Variants in PHF10 observed in about 807,000 individuals in gnomAD.
The protein encoded by PHF10 is BRG1-associated factor 45a.
PHF10 carries 51 observed loss-of-function variants against 68.5 expected under a neutral mutation model. The ratio of observed to expected loss-of-function variants is 0.74; its 90% CI spans 0.59 to 0.94. The LOEUF is 0.94. Ranked by LOEUF, PHF10 falls within the 40% of genes least tolerant of loss-of-function variation. The pLI, the probability that PHF10 is intolerant of heterozygous loss-of-function variation, is 0.00. For missense variants in PHF10, 460 were observed against 602.6 expected, an observed-to-expected ratio of 0.76 and a Z score of 2.48; for synonymous variants, 204 against 203.5, an observed-to-expected ratio of 1.00 and a Z score of -0.02.
chr6:169,721,995 G>A (rs1353674284), intron 1 of PHF10, among the ~76,000 whole-genome samples: 1 of 152,126 alleles, frequency 6.6e-6, no homozygotes, highest in Non-Finnish European at 1.5e-5. Context: ...GTTCTCACTG[G>A]GCACTGTCCC....
rs1789268361 is a variant in PHF10 at position 169,724,245 on chromosome 6, C to T, written c.-314G>A. Among the ~76,000 whole-genome samples the T allele has an allele frequency of 6.9e-6, 1 of 145,684 alleles. No individual in the cohort carries two copies. Among genetic ancestry groups the T allele is most frequent in the South Asian group, 2.1e-4 (1 of 4,742 alleles). On this transcript the variant is annotated 5_prime_UTR_variant, in exon 1 of 12. Coordinates refer to ENST00000339209, the MANE Select transcript of PHF10 (RefSeq NM_018288.4). ...GCGGCGCTTCTCACGTCAGCCCAAC[C>T]CGCCCGGCCGCGGCCACCGCCTCAG...
intron 2 of PHF10, among the ~76,000 whole-genome samples, chr6:169,719,971 AAC>A (rs1789138874): frequency 6.9e-6 from 1 of 145,050 alleles, no homozygotes; most frequent in South Asian, 2.3e-4. Flanking sequence ...AAGCTCCTAC[AAC>A]AAAAAAAACC....
At chr6:169,719,180 G>T in intron 2 of PHF10, 1 of 279,836 alleles carries the variant, frequency 3.6e-6, no homozygotes, top group South Asian at 4.7e-5. Context: ...AAGAACGAAG[G>T]CATTTTTAGT....
chr6:169,709,347 A>G (rs1485524679), intron 9 of PHF10: 1 of 152,220 alleles, frequency 6.6e-6, no homozygotes, highest in Non-Finnish European at 1.5e-5. Flanking sequence ...ATACACCTTC[A>G]TAAGTGCAAT....
intron 6 of PHF10, 24 bp downstream of exon 6, chr6:169,715,684 G>T: frequency 6.3e-7 from 1 of 1,598,020 alleles, no homozygotes; most frequent in Non-Finnish European, 8.6e-7. Flanking sequence ...AAGTTCAGGG[G>T]GTACTAAATT....
intron 7 of PHF10, among the ~76,000 whole-genome samples, chr6:169,713,675 CTTT>C (rs200831424): frequency 6.6e-6 from 1 of 151,158 alleles, no homozygotes; most frequent in African/African-American, 2.4e-5. Flanking sequence ...TTTAAAAAAT[CTTT>C]TTTTATTTAA....
At chr6:169,719,063 C>T in intron 2 of PHF10, 145 bp from the exon 3 acceptor site, 2 of 566,870 alleles carry the variant, frequency 3.5e-6, no homozygotes, top group South Asian at 2.3e-5. Flanking sequence ...AAGAAAATTA[C>T]AAAACAGGTA....
chr6:169,712,684 T>C, intron 7 of PHF10, 145 bp from the exon 8 acceptor site: 1 of 585,356 alleles, frequency 1.7e-6, no homozygotes, highest in Non-Finnish European at 2.9e-6. Flanking sequence ...ATTTTTGTCA[T>C]CAAGTAGGGT....
intron 1 of PHF10, among the ~76,000 whole-genome samples, chr6:169,722,328 A>C (rs192850151): frequency 3.9e-5 from 6 of 152,250 alleles, no homozygotes; most frequent in Non-Finnish European, 8.8e-5. Context: ...GAAAATTTGC[A>C]TAAGTATCTG....
intron 2 of PHF10, among the ~76,000 whole-genome samples, chr6:169,719,929 G>T (rs1056561163): frequency 6.6e-6 from 1 of 151,686 alleles, no homozygotes; most frequent in Non-Finnish European, 1.5e-5. Context: ...TCATATTTTT[G>T]ATGAAGTATT....
intron 4 of PHF10, 63 bp downstream of exon 4, chr6:169,717,760 C>A: frequency 3.0e-6 from 2 of 670,408 alleles, no homozygotes; most frequent in Non-Finnish European, 5.3e-6. Context: ...AAATAAGATA[C>A]TTATCTAGTA....
intron 2 of PHF10, among the ~76,000 whole-genome samples, chr6:169,720,585 A>C (rs1332174136): frequency 6.6e-6 from 1 of 152,202 alleles, no homozygotes; most frequent in Non-Finnish European, 1.5e-5. Context: ...CACTTATATG[A>C]AGTAACTAAG....
intron 9 of PHF10, among the ~76,000 whole-genome samples, chr6:169,706,212 T>C (rs1462081800): frequency 2.0e-5 from 3 of 152,148 alleles, no homozygotes; most frequent in African/African-American, 7.2e-5. Flanking sequence ...CTCATTGGTA[T>C]AGTGGTATTT....
At chr6:169,720,896 T>A in intron 2 of PHF10, 109 bp downstream of exon 2, 1 of 620,646 alleles carries the variant, frequency 1.6e-6, no homozygotes, top group Non-Finnish European at 2.8e-6. Flanking sequence ...AAGAAAATAT[T>A]CTACAATTTT....
chr6:169,710,987 C>T (rs902583417), intron 8 of PHF10, among the ~76,000 whole-genome samples: 1 of 152,096 alleles, frequency 6.6e-6, no homozygotes. Context: ...TTTAATTCTT[C>T]ATTTTATAAT....
intron 9 of PHF10, chr6:169,707,534 A>G (rs1778544332): frequency 6.6e-6 from 1 of 152,062 alleles, no homozygotes; most frequent in South Asian, 2.1e-4. Context: ...GGCATAGTAA[A>G]TACTCTAATA....
chr6:169,706,705 T>G, intron 9 of PHF10, among the ~76,000 whole-genome samples: 1 of 142,220 alleles, frequency 7.0e-6, no homozygotes, highest in African/African-American at 2.6e-5. Context: ...TGAAATGGGG[T>G]AAGGGGACAT....
Position 169,715,807 on chromosome 6 carries a change from C to T in PHF10, c.594G>A (p.Glu198=), listed in dbSNP as rs752790660. ...TQKVEASKVP[E]YIKKAAKKAA... ...CTTTTTTGGCAGCTTTCTTAATATA[C>T]TCAGGCACTTTACTGGCTTCAACTT... Residue 198 remains glutamate, a synonymous_variant, in exon 6 of 12, where the codon GAG becomes GAA. Coordinates refer to ENST00000339209, the MANE Select transcript of PHF10 (RefSeq NM_018288.4). The T allele has an allele frequency of 2.5e-6, 4 of 1,613,724 alleles. No homozygotes were observed. In the East Asian group the frequency reaches 8.9e-5, roughly 36 times the overall value.
At chr6:169,715,669 A>G in intron 6 of PHF10, 39 bp downstream of exon 6, 2 of 1,573,042 alleles carry the variant, frequency 1.3e-6, no homozygotes, top group Non-Finnish European at 1.7e-6. Flanking sequence ...AACAAGTAAT[A>G]AACTAAGTTC....
Sources: gnomAD v4.1 joint callset for allele counts (sites outside exome capture counted in the v4.1 genomes callset) on GRCh38, gnomAD v4.1.1 for gene constraint, MANE v1.5 for transcripts, NCBI Gene and HGNC (gene_info 2026-07-23, HGNC 2026-07-21) for gene names.